The following SH3RF3 variants were observed in gnomAD, a reference collection of about 807,000 sequenced individuals.
SH3RF3 encodes E3 ubiquitin-protein ligase SH3RF3.
A neutral mutation model predicts 66.3 loss-of-function variants in SH3RF3; 29 were observed. That is an observed-to-expected ratio of 0.44 (90% CI 0.33 to 0.60). SH3RF3 has a LOEUF of 0.60. SH3RF3 is among the 20% of genes least tolerant of loss of function. The pLI, the probability that SH3RF3 is intolerant of heterozygous loss-of-function variation, is 0.04. For synonymous variants in SH3RF3, 583 were observed against 532.0 expected, an observed-to-expected ratio of 1.10 and a Z score of -1.32; for missense variants, 1,194 against 1,190.9, an observed-to-expected ratio of 1.00 and a Z score of -0.04.
At chr2:109,166,623 G>A (rs993274079) in intron 1 of SH3RF3, among the ~76,000 whole-genome samples, 3 of 152,206 alleles carry the variant, frequency 2.0e-5, no homozygotes, top group African/African-American at 7.2e-5. Context: ...AGACATTCCA[G>A]TGAGGGAGTG....
At chr2:109,445,452 C>G (rs1444451937) in intron 7 of SH3RF3, among the ~76,000 whole-genome samples, 3 of 152,112 alleles carry the variant, frequency 2.0e-5, no homozygotes, top group Admixed American at 2.0e-4. Context: ...ATACAGATTA[C>G]TTACATAGAA....
chr2:109,278,780 T>C lies in SH3RF3; in HGVS notation c.574-68894T>C, dbSNP rs533509284. Among the ~76,000 whole-genome samples the C allele has an allele frequency of 7.9e-5, 12 of 152,342 alleles. No individual in the cohort carries two copies. In the South Asian group the frequency reaches 2.1e-3, roughly 26 times the overall value. The stretch of plus-strand genomic sequence containing the variant: ...ATCTGTACCCAACTGAAACCCATGT[T>C]ACCCTTCACCTGTATCTTGTTTGTG... On this transcript the variant is annotated intron_variant, in intron 1 of 9. Coordinates refer to ENST00000309415, the MANE Select transcript of SH3RF3 (RefSeq NM_001099289.3).
intron 1 of SH3RF3, among the ~76,000 whole-genome samples, chr2:109,208,909 A>C (rs961841181): frequency 2.0e-5 from 3 of 152,188 alleles, no homozygotes; most frequent in Non-Finnish European, 4.4e-5. Context: ...CAGTGTGGGC[A>C]TCTGGAGAAG....
chr2:109,413,484 C>CTCTG (rs1025492298), intron 4 of SH3RF3, among the ~76,000 whole-genome samples: 1 of 152,174 alleles, frequency 6.6e-6, no homozygotes, highest in Admixed American at 6.5e-5. Context: ...CCTGCCCTGT[C>CTCTG]TCTGTCTGTC....
At chr2:109,378,883 A>G (rs1460979184) in intron 3 of SH3RF3, among the ~76,000 whole-genome samples, 1 of 152,168 alleles carries the variant, frequency 6.6e-6, no homozygotes, top group East Asian at 1.9e-4. Context: ...CCTCATATGA[A>G]TGCCCTGATC....
chr2:109,278,256 C>T (rs1680805286), intron 1 of SH3RF3, among the ~76,000 whole-genome samples: 1 of 152,188 alleles, frequency 6.6e-6, no homozygotes, highest in African/African-American at 2.4e-5. Flanking sequence ...TCCCTGAGCC[C>T]ACGGTAGGCA....
chr2:109,473,184 G>A (rs866221358), intron 8 of SH3RF3, among the ~76,000 whole-genome samples: 16 of 152,110 alleles, frequency 1.1e-4, no homozygotes, highest in Admixed American at 5.2e-4. Flanking sequence ...TTTTCCCAGG[G>A]AAGCGGCTTC....
At chr2:109,257,374 G>GGGAGGGAGAGGAAGGGAA (rs1291188487) in intron 1 of SH3RF3, among the ~76,000 whole-genome samples, 9 of 151,726 alleles carry the variant, frequency 5.9e-5, no homozygotes, top group African/African-American at 1.9e-4. Context: ...AGGAGAGGGA[G>GGGAGGGAGAGGAAGGGAA]GGAGGGAGAG....
chr2:109,202,034 G>T (rs1678686961), intron 1 of SH3RF3, among the ~76,000 whole-genome samples: 1 of 152,232 alleles, frequency 6.6e-6, no homozygotes, highest in Admixed American at 6.5e-5. Context: ...CATTGTATTT[G>T]CCTTGGAGCC....
At position 109,148,527 on chromosome 2, in the gene SH3RF3, C is replaced by T. The variant is rs1441225436; in HGVS notation, c.573+18414C>T. On this transcript the variant is annotated intron_variant, in intron 1 of 9. Transcript: ENST00000309415. The stretch of plus-strand genomic sequence containing the variant: ...AATGAAAGAAGGGTTGAGTAATTGG[C>T]TCTGGGGAATATTACTGCTGACTGG... 2.0e-5 allele frequency among the ~76,000 whole-genome samples: 3 copies of T among 152,312 alleles called. No homozygotes were observed. The South Asian group carries it at 6.2e-4, about 32-fold the overall frequency.
chr2:109,236,462 C>T (rs1054428710), intron 1 of SH3RF3, among the ~76,000 whole-genome samples: 7 of 152,056 alleles, frequency 4.6e-5, no homozygotes, highest in African/African-American at 1.4e-4. Flanking sequence ...AGCTGTGAGC[C>T]GTGTTTTTTA....
chr2:109,427,796 C>T (rs140025766), intron 5 of SH3RF3, among the ~76,000 whole-genome samples: 13 of 152,336 alleles, frequency 8.5e-5, no homozygotes, highest in African/African-American at 2.6e-4. Context: ...CAGGGAGAAC[C>T]GAGCAGTTTC....
chr2:109,236,505 GCATTGTA>G (rs1679653578), intron 1 of SH3RF3, among the ~76,000 whole-genome samples: 1 of 152,286 alleles, frequency 6.6e-6, no homozygotes, highest in African/African-American at 2.4e-5. Context: ...TTGGGTCAGT[GCATTGTA>G]GGAAATAAAT....
intron 1 of SH3RF3, among the ~76,000 whole-genome samples, chr2:109,132,722 C>G (rs575336741): frequency 6.6e-6 from 1 of 152,184 alleles, no homozygotes; most frequent in Non-Finnish European, 1.5e-5. Context: ...CTAACCCTTG[C>G]AGTTGCTAAT....
chr2:109,328,557 C>T (rs1162255518), intron 1 of SH3RF3, among the ~76,000 whole-genome samples: 1 of 152,222 alleles, frequency 6.6e-6, no homozygotes, highest in Non-Finnish European at 1.5e-5. Context: ...CTGTGAGCCT[C>T]TGATTTCGAC....
chr2:109,141,338 C>T (rs1419894834), intron 1 of SH3RF3, among the ~76,000 whole-genome samples: 1 of 152,168 alleles, frequency 6.6e-6, no homozygotes, highest in African/African-American at 2.4e-5. Context: ...GGCAGCCTCT[C>T]GTCTCTGCCT....
intron 2 of SH3RF3, among the ~76,000 whole-genome samples, chr2:109,350,910 C>CT (rs1181395672): frequency 1.7e-4 from 26 of 152,196 alleles, no homozygotes; most frequent in African/African-American, 5.5e-4. Context: ...TATAACCTGC[C>CT]TTTATACAGC....
Position 109,289,761 on chromosome 2 carries a change from C to CT in SH3RF3, c.574-57903dup, listed in dbSNP as rs35365576. Reference sequence around the variant, plus strand: ...GAAGATGTGTTGTCATGAAAATACACTTTTTTTTTTAAGCTGGAAACTGGG... The same window carrying CT: ...GAAGATGTGTTGTCATGAAAATACACTTTTTTTTTTTAAGCTGGAAACTGGG... On this transcript the variant is annotated intron_variant, in intron 1 of 9. Coordinates refer to ENST00000309415, the MANE Select transcript of SH3RF3 (RefSeq NM_001099289.3). Among the ~76,000 whole-genome samples, 1,295 of 149,782 alleles carry CT rather than the reference C, an allele frequency of 8.6e-3. 13 individuals are homozygous for CT. Among genetic ancestry groups the CT allele is most frequent in the East Asian group, 0.04 (203 of 5,130 alleles).
At chr2:109,442,740 A>G (rs1266648781) in intron 7 of SH3RF3, among the ~76,000 whole-genome samples, 1 of 152,198 alleles carries the variant, frequency 6.6e-6, no homozygotes, top group African/African-American at 2.4e-5. Context: ...GCTAAAAGGG[A>G]ATAAAAAGGA....
Sources: allele counts gnomAD v4.1 joint callset (sites outside exome capture counted in the v4.1 genomes callset), GRCh38; gene constraint gnomAD v4.1.1; transcripts MANE v1.5; gene names NCBI Gene and HGNC (gene_info 2026-07-23, HGNC 2026-07-21).